CSMD1: variants seen among roughly 807,000 people sequenced by gnomAD.
CSMD1 encodes CUB and Sushi multiple domains 1.
CSMD1 carries 213 observed loss-of-function variants against 417.5 expected under a neutral mutation model. The ratio of observed to expected loss-of-function variants is 0.51; its 90% CI spans 0.46 to 0.57. The LOEUF (loss-of-function observed/expected upper bound fraction) is 0.57, where lower values mean the gene tolerates loss of function less well. Among genes scored for constraint, CSMD1 ranks in the 20% least tolerant of loss-of-function variants. The pLI is 0.00. For missense variants in CSMD1, 6,923 were observed against 4,529.7 expected (o/e 1.53, Z -15.17); for synonymous variants, 2,862 against 1,736.8 (o/e 1.65, Z -16.11).
At chr8:4,429,717 G>A (rs994163164) in intron 2 of CSMD1, among the ~76,000 whole-genome samples, 2 of 152,174 alleles carry the variant, frequency 1.3e-5, no homozygotes, top group African/African-American at 4.8e-5. Flanking sequence ...CATGAGGGCA[G>A]AAGTGGGTCT....
intron 52 of CSMD1, among the ~76,000 whole-genome samples, chr8:3,003,775 G>C (rs919898934): frequency 2.6e-5 from 4 of 152,180 alleles, no homozygotes; most frequent in Admixed American, 2.0e-4. Context: ...AGGACTCCTG[G>C]TGAAAGAGGT....
At chr8:3,554,877 G>C (rs555379965) in intron 10 of CSMD1, among the ~76,000 whole-genome samples, 10 of 152,276 alleles carry the variant, frequency 6.6e-5, no homozygotes, top group Admixed American at 2.6e-4. Context: ...GCCCCCTGCA[G>C]TGGTGAGAGT....
chr8:4,070,636 C>G (rs568874065), intron 3 of CSMD1, among the ~76,000 whole-genome samples: 1 of 152,100 alleles, frequency 6.6e-6, no homozygotes, highest in Non-Finnish European at 1.5e-5. Context: ...GGATTACAGG[C>G]GTGAGCCACC....
At chr8:4,705,997 T>G (rs1256657870) in intron 1 of CSMD1, among the ~76,000 whole-genome samples, 1 of 151,570 alleles carries the variant, frequency 6.6e-6, no homozygotes. Flanking sequence ...TGAACTGTAA[T>G]TTTTTTCAAT....
intron 5 of CSMD1, among the ~76,000 whole-genome samples, chr8:3,851,144 G>A (rs1803878302): frequency 6.6e-6 from 1 of 152,148 alleles, no homozygotes; most frequent in Non-Finnish European, 1.5e-5. Flanking sequence ...GATTTCTGAG[G>A]AGCTAATTTG....
chr8:4,449,332 T>G (rs748441640), intron 2 of CSMD1, among the ~76,000 whole-genome samples: 1 of 152,212 alleles, frequency 6.6e-6, no homozygotes, highest in Non-Finnish European at 1.5e-5. Context: ...TCTGTCTTCA[T>G]TGGTTTTAAG....
At chr8:4,567,557 G>C (rs572074723) in intron 2 of CSMD1, among the ~76,000 whole-genome samples, 64 of 152,204 alleles carry the variant, frequency 4.2e-4, no homozygotes, top group East Asian at 2.5e-3. Flanking sequence ...TCTTCATTAA[G>C]TGTCTGAATT....
At chr8:3,886,012 T>C (rs528960524) in intron 5 of CSMD1, among the ~76,000 whole-genome samples, 62 of 151,994 alleles carry the variant, frequency 4.1e-4, no homozygotes, top group African/African-American at 1.3e-3. Context: ...CATATATATG[T>C]GTACATATAT....
chr8:3,606,250 T>G (rs1801608065), intron 8 of CSMD1, among the ~76,000 whole-genome samples: 1 of 152,050 alleles, frequency 6.6e-6, no homozygotes, highest in African/African-American at 2.4e-5. Context: ...AATGCATTGT[T>G]AGGCAATTTG....
chr8:4,042,017 G>C (rs1313528824), intron 3 of CSMD1, among the ~76,000 whole-genome samples: 1 of 152,088 alleles, frequency 6.6e-6, no homozygotes, highest in Non-Finnish European at 1.5e-5. Context: ...TAAGAGCACA[G>C]AGAATCAATG....
At chr8:4,786,739 T>C (rs1348453828) in intron 1 of CSMD1, among the ~76,000 whole-genome samples, 1 of 150,986 alleles carries the variant, frequency 6.6e-6, no homozygotes, top group Non-Finnish European at 1.5e-5. Context: ...ATTATCTTTA[T>C]TTTTTTTTCT....
At chr8:4,203,051 G>A (rs747120210) in intron 3 of CSMD1, among the ~76,000 whole-genome samples, 1 of 152,186 alleles carries the variant, frequency 6.6e-6, no homozygotes, top group African/African-American at 2.4e-5. Context: ...TTTGACAGGT[G>A]TGAGAGTTAA....
chr8:4,023,393 A>G (rs2740927), intron 4 of CSMD1, among the ~76,000 whole-genome samples: 32,965 of 152,116 alleles, frequency 0.22, 4,473 homozygotes, highest in South Asian at 0.32. Context: ...AATGTGAAAC[A>G]AAAGTAATTC....
chr8:3,750,114 T>A (rs982114193), intron 6 of CSMD1, among the ~76,000 whole-genome samples: 1 of 152,160 alleles, frequency 6.6e-6, no homozygotes, highest in African/African-American at 2.4e-5. Context: ...GCATTGAATA[T>A]GAGGAAGGCT....
chr8:4,541,042 A>G (rs996374661), intron 2 of CSMD1, among the ~76,000 whole-genome samples: 1 of 152,216 alleles, frequency 6.6e-6, no homozygotes, highest in African/African-American at 2.4e-5. Context: ...AATGTTTCAC[A>G]AACTCGATTG....
rs1332752212 is a variant in CSMD1, at chr8:3,621,973, CTCTT to C, written c.1010-5180_1010-5177del. ...TTACTTCTGTCTTATGTCTCTCTCT[CTCTT>C]TGTGTGTGTGTGTATGTGTGTGTGT... On this transcript the variant is annotated intron_variant, in intron 7 of 69. Coordinates refer to ENST00000635120, the MANE Select transcript of CSMD1 (RefSeq NM_033225.6). Among the ~76,000 whole-genome samples the C allele has an allele frequency of 1.6e-3, 214 of 131,406 alleles. 2 individuals carry two copies. Among genetic ancestry groups the C allele is most frequent in the African/African-American group, 6.2e-3 (206 of 33,224 alleles). The allele number at this position is 131,406 out of a possible 152,430, so 86.2% of individuals were successfully genotyped here.
intron 1 of CSMD1, among the ~76,000 whole-genome samples, chr8:4,804,499 T>C (rs995595395): frequency 6.6e-5 from 10 of 151,422 alleles, no homozygotes; most frequent in African/African-American, 2.4e-4. Context: ...TGACTGACTT[T>C]ATATTACCAC....
chr8:3,261,717 C>T (rs983727066), intron 26 of CSMD1, among the ~76,000 whole-genome samples: 1 of 152,052 alleles, frequency 6.6e-6, no homozygotes, highest in Admixed American at 6.6e-5. Context: ...TCAGCACCCA[C>T]AGAAAGGTAC....
At chr8:4,807,637 A>C (rs1050133906) in intron 1 of CSMD1, among the ~76,000 whole-genome samples, 4 of 152,332 alleles carry the variant, frequency 2.6e-5, no homozygotes, top group African/African-American at 9.6e-5. Context: ...AATACATATG[A>C]ATATACATAA....
Sources: gnomAD v4.1 joint callset for allele counts (sites outside exome capture counted in the v4.1 genomes callset) on GRCh38, gnomAD v4.1.1 for gene constraint, MANE v1.5 for transcripts, NCBI Gene and HGNC (gene_info 2026-07-23, HGNC 2026-07-21) for gene names.